EGFLAM: variants seen among roughly 807,000 people sequenced by gnomAD.
The protein encoded by EGFLAM is pikachurin.
Under a neutral mutation model 113.1 loss-of-function variants are expected in EGFLAM, and 79 were observed. The observed-to-expected ratio is 0.70, with a 90% CI of 0.58 to 0.84. The LOEUF is 0.84. Ranked by LOEUF, EGFLAM falls within the 40% of genes least tolerant of loss-of-function variation. The probability of loss-of-function intolerance (pLI) is 0.00; values close to 1 mark genes in which losing one functional copy is unlikely to be tolerated. For missense variants in EGFLAM, 1,265 were observed against 1,291.6 expected (o/e 0.98, Z 0.32); for synonymous variants, 504 against 487.6 (o/e 1.03, Z -0.44).
At chr5:38,288,112 T>A (rs1156539015) in intron 1 of EGFLAM, among the ~76,000 whole-genome samples, 1 of 152,230 alleles carries the variant, frequency 6.6e-6, no homozygotes, top group African/African-American at 2.4e-5. Flanking sequence ...CATTATGAAC[T>A]GCTTTTTCAG....
intron 3 of EGFLAM, among the ~76,000 whole-genome samples, chr5:38,348,319 A>G (rs554253103): frequency 4.6e-5 from 7 of 152,208 alleles, no homozygotes; most frequent in Admixed American, 2.6e-4. Context: ...AAGCAAGACT[A>G]CGAGGGAGAA....
At chr5:38,367,840 A>G (rs913639553) in intron 5 of EGFLAM, among the ~76,000 whole-genome samples, 1 of 152,196 alleles carries the variant, frequency 6.6e-6, no homozygotes, top group Non-Finnish European at 1.5e-5. Context: ...CTCATGACAA[A>G]ATCAGAGGCA....
intron 3 of EGFLAM, among the ~76,000 whole-genome samples, chr5:38,349,236 A>G (rs1739553191): frequency 6.6e-6 from 1 of 152,204 alleles, no homozygotes; most frequent in African/African-American, 2.4e-5. Flanking sequence ...AATACAATGT[A>G]AATGTGTTAA....
intron 14 of EGFLAM, chr5:38,430,102 G>T (rs189178058): frequency 8.7e-6 from 2 of 228,856 alleles, no homozygotes; most frequent in Non-Finnish European, 1.8e-5. Flanking sequence ...ACAGCTTTGC[G>T]TCGGAGTAGC....
chr5:38,444,053 G>A (rs1428492853), intron 17 of EGFLAM, among the ~76,000 whole-genome samples: 3 of 152,076 alleles, frequency 2.0e-5, no homozygotes, highest in East Asian at 3.9e-4. Context: ...TTACAGGTGT[G>A]AACCACCACA....
chr5:38,460,417 C>G (rs1018648052), intron 20 of EGFLAM, among the ~76,000 whole-genome samples: 1 of 152,130 alleles, frequency 6.6e-6, no homozygotes, highest in African/African-American at 2.4e-5. Context: ...GATTAGAATC[C>G]CAGCTCAAAG....
intron 6 of EGFLAM, among the ~76,000 whole-genome samples, chr5:38,390,889 T>C (rs1740789497): frequency 6.6e-6 from 1 of 151,994 alleles, no homozygotes; most frequent in South Asian, 2.1e-4. Context: ...TAAATATATG[T>C]TTAAATACTA....
Position 38,391,741 on chromosome 5 carries a change from C to G in EGFLAM, c.713-14385C>G, listed in dbSNP as rs1021311648. Among the ~76,000 whole-genome samples, 3 of 152,068 alleles carry G rather than the reference C, an allele frequency of 2.0e-5. No homozygotes were observed. The East Asian group carries it at 5.8e-4, about 29-fold the overall frequency. ...CTACCACTTTATGAAGTCATGATAT[C>G]TGGTAGATGATTTCAGTCCTCATTG... is the stretch of plus-strand genomic sequence containing the variant. On this transcript the variant is annotated intron_variant, in intron 6 of 21. Coordinates refer to ENST00000322350, the MANE Select transcript of EGFLAM (RefSeq NM_152403.4).
At chr5:38,406,791 G>A (rs775011030) in intron 7 of EGFLAM, 37 bp from the exon 8 acceptor site, 22 of 1,583,810 alleles carry the variant, frequency 1.4e-5, no homozygotes, top group East Asian at 9.0e-5. Flanking sequence ...GCCATGCTCT[G>A]TGTTCATCTT....
intron 5 of EGFLAM, among the ~76,000 whole-genome samples, chr5:38,352,602 A>G (rs1419475565): frequency 2.6e-5 from 4 of 151,356 alleles, no homozygotes; most frequent in African/African-American, 7.3e-5. Context: ...AGCCGAGATC[A>G]TGCCATTGCA....
chr5:38,452,219 G>C (rs1742942482), intron 19 of EGFLAM, among the ~76,000 whole-genome samples: 2 of 151,888 alleles, frequency 1.3e-5, no homozygotes, highest in Non-Finnish European at 2.9e-5. Flanking sequence ...TTTTTGTACA[G>C]ACGGGGTTTC....
intron 1 of EGFLAM, among the ~76,000 whole-genome samples, chr5:38,266,447 A>G (rs1188292225): frequency 6.6e-6 from 1 of 152,232 alleles, no homozygotes; most frequent in African/African-American, 2.4e-5. Context: ...AAAGACTGAC[A>G]TGTGAAGGCA....
At chr5:38,463,187 G>A (rs1405416068) in intron 21 of EGFLAM, among the ~76,000 whole-genome samples, 176 bp downstream of exon 21, 2 of 152,136 alleles carry the variant, frequency 1.3e-5, no homozygotes, top group Non-Finnish European at 2.9e-5. Flanking sequence ...GAGGGGGCAG[G>A]AAGGGCTCCC....
At chr5:38,328,273 C>T (rs1189268620) in intron 1 of EGFLAM, among the ~76,000 whole-genome samples, 2 of 152,134 alleles carry the variant, frequency 1.3e-5, no homozygotes, top group South Asian at 2.1e-4. Context: ...TACGAGAACT[C>T]GCTCACTATC....
At chr5:38,286,201 C>T (rs374978667) in intron 1 of EGFLAM, 14 of 152,318 alleles carry the variant, frequency 9.2e-5, no homozygotes, top group East Asian at 5.8e-4. Flanking sequence ...TCTTAACATC[C>T]GTTTGAAGTA....
chr5:38,390,346 T>G (rs1688363482), intron 6 of EGFLAM, among the ~76,000 whole-genome samples: 1 of 152,234 alleles, frequency 6.6e-6, no homozygotes, highest in South Asian at 2.1e-4. Context: ...AATTATAACA[T>G]TCTAGTGGAT....
intron 1 of EGFLAM, among the ~76,000 whole-genome samples, chr5:38,313,782 T>C (rs1162416063): frequency 1.3e-5 from 2 of 152,236 alleles, no homozygotes; most frequent in African/African-American, 4.8e-5. Context: ...TGAATGTTTT[T>C]CTGTGTTTTT....
chr5:38,361,146 A>C (rs945067217), intron 5 of EGFLAM, among the ~76,000 whole-genome samples: 9 of 151,668 alleles, frequency 5.9e-5, no homozygotes, highest in Non-Finnish European at 2.9e-5. Flanking sequence ...GATTGTAGGC[A>C]TGAGCCACCG....
intron 6 of EGFLAM, chr5:38,401,767 G>A (rs1358096861): frequency 1.3e-5 from 2 of 152,202 alleles, no homozygotes; most frequent in South Asian, 2.1e-4. Flanking sequence ...ATTTACAATC[G>A]AGTTGGTAAA....
Sources: allele counts gnomAD v4.1 joint callset (sites outside exome capture counted in the v4.1 genomes callset), GRCh38; gene constraint gnomAD v4.1.1; transcripts MANE v1.5; gene names NCBI Gene and HGNC (gene_info 2026-07-23, HGNC 2026-07-21).